Variants in ACTR3B observed in about 807,000 individuals in gnomAD.
ACTR3B encodes the protein actin related protein 3B, also known as actin-related protein 3B.
In ACTR3B, 8 loss-of-function variants were observed where a neutral mutation model predicts 59.0. The observed-to-expected ratio is 0.14, with a 90% confidence interval of 0.08 to 0.24. The LOEUF (loss-of-function observed/expected upper bound fraction) is 0.24, where lower values mean the gene tolerates loss of function less well. Among genes scored for constraint, ACTR3B ranks in the 10% least tolerant of loss-of-function variants. The pLI is 1.00. For synonymous variants in ACTR3B, 148 were observed against 197.9 expected, an observed-to-expected ratio of 0.75 and a Z score of 2.12; for missense variants, 245 against 552.3, an observed-to-expected ratio of 0.44 and a Z score of 5.58.
chr7:152,777,315 CA>C (rs1400803864), intron 1 of ACTR3B, among the ~76,000 whole-genome samples: 1 of 151,290 alleles, frequency 6.6e-6, no homozygotes, highest in Non-Finnish European at 1.5e-5. Flanking sequence ...GACCAGAAAA[CA>C]AAAAACAAAA....
Position 152,824,956 on chromosome 7 carries a change from CT to C in ACTR3B, c.859-71del. 6.8e-7 allele frequency: 1 copy of C among 1,460,406 alleles called. No homozygotes were observed. Among genetic ancestry groups the C allele is most frequent in the Non-Finnish European group, 9.3e-7 (1 of 1,072,464 alleles). 90.5% of individuals were successfully genotyped at this position (1,460,406 alleles called of 1,614,324 possible). ...ATAAATTGTATATTTGTTAAAGTTA[CT>C]TTAAAGAAGTGTGCATGTTGTTCTA... On this transcript the variant is annotated intron_variant, in intron 8 of 11. Coordinates refer to ENST00000256001, the MANE Select transcript of ACTR3B (RefSeq NM_020445.6). The surrounding 1 kb of genome is among the most constrained non-coding windows in gnomAD (Gnocchi z 4.2).
At chr7:152,849,668 G>A (rs1342235887) in intron 9 of ACTR3B, among the ~76,000 whole-genome samples, 1 of 152,244 alleles carries the variant, frequency 6.6e-6, no homozygotes, top group Non-Finnish European at 1.5e-5. Context: ...TCACCACTGT[G>A]GATAAGCAAA....
intron 4 of ACTR3B, among the ~76,000 whole-genome samples, chr7:152,809,224 T>C (rs1362831513): frequency 2.0e-5 from 3 of 150,864 alleles, no homozygotes; most frequent in Admixed American, 1.3e-4. Context: ...CATCCAGGAA[T>C]TGATGGATTC....
At chr7:152,797,825 C>T (rs1391127365) in intron 2 of ACTR3B, among the ~76,000 whole-genome samples, 1 of 152,066 alleles carries the variant, frequency 6.6e-6, no homozygotes, top group Non-Finnish European at 1.5e-5. Flanking sequence ...AACATAGTGC[C>T]CTCGAGGTTC....
chr7:152,788,537 C>T (rs1295204822), intron 2 of ACTR3B, among the ~76,000 whole-genome samples: 5 of 151,664 alleles, frequency 3.3e-5, no homozygotes, highest in African/African-American at 9.7e-5. Flanking sequence ...CTCAGCCTCC[C>T]GAGTAGTTGG....
intron 1 of ACTR3B, among the ~76,000 whole-genome samples, chr7:152,769,464 T>A (rs1477896324): frequency 6.6e-6 from 1 of 152,194 alleles, no homozygotes; most frequent in Non-Finnish European, 1.5e-5. Flanking sequence ...TATTTCTCCA[T>A]CCTTTTATTA....
chr7:152,847,824 CCT>C (rs1040648938), intron 9 of ACTR3B, among the ~76,000 whole-genome samples: 3 of 152,140 alleles, frequency 2.0e-5, no homozygotes, highest in African/African-American at 4.8e-5. Flanking sequence ...GACACTGAGA[CCT>C]GAGAGAAATT....
In ACTR3B at chr7:152,800,651, C is replaced by G; in HGVS notation, c.221C>G (p.Thr74Arg). Residue 74 changes from threonine to arginine, a missense_variant, in exon 3 of 12, where the codon ACA (threonine) becomes AGA (arginine). Thr to Arg is a moderately conservative substitution (Grantham distance 71). Coordinates refer to ENST00000256001, the MANE Select transcript of ACTR3B (RefSeq NM_020445.6). Reference protein sequence around the residue: ...DEAIDKPTYATKWPIRHGIIE... With the variant: ...DEAIDKPTYARKWPIRHGIIE... ...GCCATCGATAAACCTACATATGCTA[C>G]AAAGGTAAATTTCCGACAGGTGTTT... 1.2e-6 allele frequency: 2 copies of G among 1,613,312 alleles called. No homozygotes were observed. The highest frequency in any genetic ancestry group is 1.7e-6 in the Non-Finnish European group (2 of 1,179,662).
intron 1 of ACTR3B, among the ~76,000 whole-genome samples, chr7:152,762,213 G>A (rs1203513256): frequency 2.0e-5 from 3 of 152,098 alleles, no homozygotes; most frequent in Non-Finnish European, 4.4e-5. Context: ...GGATAATATG[G>A]ACAAAGGGAT....
At chr7:152,788,673 C>A (rs1405714294) in intron 2 of ACTR3B, among the ~76,000 whole-genome samples, 3 of 151,872 alleles carry the variant, frequency 2.0e-5, no homozygotes, top group Non-Finnish European at 4.4e-5. Context: ...AGCTTCCCAG[C>A]GTGCTGGGAT....
In ACTR3B at chr7:152,854,127, C is replaced by G. The variant is rs1178876843; in HGVS notation, c.1162-331C>G. On this transcript the variant is annotated intron_variant, in intron 11 of 11. Transcript: ENST00000256001. The surrounding 1 kb of genome is among the most constrained non-coding windows in gnomAD (Gnocchi z 4.9). ...ATGGTAAGTGGCATCCAAAAATAAT[C>G]TAAAAAAGTCCTGCATTAATCATTA... 6.6e-6 allele frequency among the ~76,000 whole-genome samples: 1 copy of G among 152,182 alleles called. No homozygotes were observed. The highest frequency in any genetic ancestry group is 1.5e-5 in the Non-Finnish European group (1 of 68,040).
In ACTR3B at chr7:152,796,860, G is replaced by GTTTTTTTTTTT. The variant is rs779909545; in HGVS notation, c.101-3643_101-3633dup. 7.3e-5 allele frequency among the ~76,000 whole-genome samples: 4 copies of GTTTTTTTTTTT among 54,750 alleles called. 1 individual carries two copies. Among genetic ancestry groups the GTTTTTTTTTTT allele is most frequent in the African/African-American group, 2.1e-4 (3 of 14,410 alleles). The allele number at this position is 54,750 out of a possible 152,430, so 35.9% of individuals were successfully genotyped here. On this transcript the variant is annotated intron_variant, in intron 2 of 11. Coordinates refer to ENST00000256001, the MANE Select transcript of ACTR3B (RefSeq NM_020445.6). ...GTTGGGACTCCCGGCTAGTTTTTGTGTTTTTTTTTTTTTTTTTTTTTTTTT... is the reference window on the plus strand; with the variant it reads ...GTTGGGACTCCCGGCTAGTTTTTGTGTTTTTTTTTTTTTTTTTTTTTTTTTTTTTTTTTTTT...
chr7:152,806,654 G>A (rs2098252917), intron 4 of ACTR3B, among the ~76,000 whole-genome samples: 2 of 152,160 alleles, frequency 1.3e-5, no homozygotes, highest in African/African-American at 4.8e-5. Flanking sequence ...AAGGAGGAGG[G>A]TGTTAAGGGC....
chr7:152,795,608 A>G (rs757015403), intron 2 of ACTR3B, among the ~76,000 whole-genome samples: 8 of 152,180 alleles, frequency 5.3e-5, no homozygotes, highest in Non-Finnish European at 1.2e-4. Context: ...TAGCTCACAA[A>G]CAAAAGATTA....
At chr7:152,828,908 C>T (rs1796797200) in intron 9 of ACTR3B, among the ~76,000 whole-genome samples, 1 of 152,142 alleles carries the variant, frequency 6.6e-6, no homozygotes. Flanking sequence ...CTCTGCCACA[C>T]CTGCGCCTTG....
chr7:152,821,787 C>G (rs111631337), intron 7 of ACTR3B, among the ~76,000 whole-genome samples: 3 of 152,220 alleles, frequency 2.0e-5, no homozygotes, highest in Non-Finnish European at 4.4e-5. Flanking sequence ...GTTCTCACCT[C>G]ACTTCTCTCT....
intron 4 of ACTR3B, among the ~76,000 whole-genome samples, chr7:152,807,114 A>C (rs1373857478): frequency 6.6e-6 from 1 of 152,086 alleles, no homozygotes; most frequent in Non-Finnish European, 1.5e-5. Context: ...GAAATTGGGA[A>C]GTTAGATGAG....
At position 152,773,447 on chromosome 7, in the gene ACTR3B, T is replaced by C. The variant is rs374526398; in HGVS notation, c.45-9740T>C. On this transcript the variant is annotated intron_variant, in intron 1 of 11. Transcript: ENST00000256001. ...ACTAAAAATACAAAAATTAGCTGGG[T>C]GTGGTGGTGGATGCCTGTAATACCA... 8.7e-5 allele frequency among the ~76,000 whole-genome samples: 13 copies of C among 148,582 alleles called. No homozygotes were observed. In the South Asian group the frequency reaches 2.0e-3, roughly 23 times the overall value.
Position 152,854,406 on chromosome 7 carries a change from T to C in ACTR3B, c.1162-52T>C. ...CTTGCCTGCTTGGTAGCTGGTTCCC[T>C]TGACTTTCTTCTGAAATGAGTGTCT... On this transcript the variant is annotated intron_variant, in intron 11 of 11. Coordinates refer to ENST00000256001, the MANE Select transcript of ACTR3B (RefSeq NM_020445.6). This position sits in a 1 kb window ranked among gnomAD's most constrained non-coding sequence, Gnocchi z 4.9. 1 of 1,558,716 alleles carries C rather than the reference T, an allele frequency of 6.4e-7. No individual in the cohort carries two copies. The highest frequency in any genetic ancestry group is 8.9e-7 in the Non-Finnish European group (1 of 1,129,940).
Sources: gnomAD v4.1 joint callset for allele counts (sites outside exome capture counted in the v4.1 genomes callset) on GRCh38, gnomAD v4.1.1 for gene constraint, Gnocchi (gnomAD v3.1) non-coding constraint, MANE v1.5 for transcripts, NCBI Gene and HGNC (gene_info 2026-07-23, HGNC 2026-07-21) for gene names.